Variants in OR56A3 observed in about 807,000 individuals in gnomAD.
OR56A3 encodes the protein olfactory receptor family 56 subfamily A member 3.
A neutral mutation model predicts 17.5 loss-of-function variants in OR56A3; 23 were observed. The observed-to-expected ratio is 1.32, with a 90% CI of 0.95 to 1.87. The LOEUF (loss-of-function observed/expected upper bound fraction) is 1.87, where lower values mean the gene tolerates loss of function less well. OR56A3 is among the 40% of genes most tolerant of loss of function. The probability of loss-of-function intolerance (pLI) is 0.00; values close to 1 mark genes in which losing one functional copy is unlikely to be tolerated. For synonymous variants in OR56A3, 175 were observed against 150.6 expected, an observed-to-expected ratio of 1.16 and a Z score of -1.19; for missense variants, 366 against 380.1, an observed-to-expected ratio of 0.96 and a Z score of 0.31.
chr11:5,968,639 A>G, the OR56A3 span: 4 of 629,246 alleles, frequency 6.4e-6, no homozygotes, highest in Admixed American at 3.2e-5. Context: ...CCAATCCCAA[A>G]TGAAGGCAAA....
intron 2 of OR56A3, among the ~76,000 whole-genome samples, chr11:5,945,578 A>G (rs971126669): frequency 1.3e-5 from 1 of 76,394 alleles, no homozygotes; most frequent in Non-Finnish European, 2.7e-5. Context: ...TAGACCCCAT[A>G]TAAAAAAAAA....
chr11:5,999,089 G>C, the OR56A3 span, among the ~76,000 whole-genome samples: 35 of 152,286 alleles, frequency 2.3e-4, 1 homozygote, highest in African/African-American at 8.2e-4. Flanking sequence ...ATATAAATAG[G>C]CTATGTTCAA....
At chr11:5,987,180 G>A in the OR56A3 span, among the ~76,000 whole-genome samples, 1 of 152,160 alleles carries the variant, frequency 6.6e-6, no homozygotes, top group Non-Finnish European at 1.5e-5. Context: ...CTACTATTCA[G>A]TTGCTTATAT....
chr11:5,994,952 C>A, the OR56A3 span: 9 of 735,564 alleles, frequency 1.2e-5, no homozygotes, highest in Admixed American at 1.8e-5. Flanking sequence ...TCCTGCCAGA[C>A]CCCCGGCCAT....
At chr11:5,992,833 C>A in the OR56A3 span, among the ~76,000 whole-genome samples, 2 of 152,184 alleles carry the variant, frequency 1.3e-5, no homozygotes, top group Non-Finnish European at 2.9e-5. Context: ...TGGAGCGAAG[C>A]TTCCCACTCC....
At chr11:5,995,979 C>T in the OR56A3 span, among the ~76,000 whole-genome samples, 3 of 152,118 alleles carry the variant, frequency 2.0e-5, no homozygotes, top group Non-Finnish European at 4.4e-5. Context: ...TGAGTGAGAT[C>T]ATGTGGTATT....
the OR56A3 span, among the ~76,000 whole-genome samples, chr11:5,958,889 T>C: frequency 6.6e-6 from 1 of 152,226 alleles, no homozygotes; most frequent in African/African-American, 2.4e-5. Context: ...ATGTTTGTCT[T>C]CCTGTGTCTG....
At chr11:5,984,474 A>G in the OR56A3 span, among the ~76,000 whole-genome samples, 1 of 152,164 alleles carries the variant, frequency 6.6e-6, no homozygotes, top group Non-Finnish European at 1.5e-5. Flanking sequence ...TTCAGTTCAC[A>G]TTTCTGTCTT....
chr11:5,954,686 C>T (rs1026504418), downstream of OR56A3, among the ~76,000 whole-genome samples: 5 of 152,132 alleles, frequency 3.3e-5, no homozygotes, highest in African/African-American at 1.2e-4. Context: ...AACAAAGTAA[C>T]TGGTACCAAA....
chr11:5,995,725 A>G, the OR56A3 span, among the ~76,000 whole-genome samples: 1 of 152,202 alleles, frequency 6.6e-6, no homozygotes, highest in Non-Finnish European at 1.5e-5. Flanking sequence ...CATAACTATC[A>G]TTTTTGTGGT....
chr11:5,953,135 T>C (rs1392642215), downstream of OR56A3, among the ~76,000 whole-genome samples: 6 of 152,194 alleles, frequency 3.9e-5, no homozygotes, highest in African/African-American at 1.4e-4. Context: ...ATCTTCATGG[T>C]AGAACAATTT....
the OR56A3 span, among the ~76,000 whole-genome samples, chr11:5,964,331 G>A: frequency 6.6e-6 from 1 of 152,296 alleles, no homozygotes; most frequent in South Asian, 2.1e-4. Context: ...TGAAAAGGTA[G>A]GTAGTTATAT....
the OR56A3 span, among the ~76,000 whole-genome samples, chr11:6,016,348 G>T: frequency 6.6e-6 from 1 of 151,976 alleles, no homozygotes; most frequent in Non-Finnish European, 1.5e-5. Flanking sequence ...AATAAATTAC[G>T]CAGTCTTAGG....
chr11:5,987,044 G>T, the OR56A3 span: 1 of 927,904 alleles, frequency 1.1e-6, no homozygotes, highest in Non-Finnish European at 1.6e-6. Flanking sequence ...CTACAGGGAA[G>T]AAAATCTCCT....
chr11:5,994,735 A>G, the OR56A3 span: 1 of 807,046 alleles, frequency 1.2e-6, no homozygotes, highest in Non-Finnish European at 2.2e-6. Context: ...TGTCCACAGT[A>G]TTTGCGAAGA....
At chr11:5,962,304 T>C in the OR56A3 span, among the ~76,000 whole-genome samples, 21 of 152,310 alleles carry the variant, frequency 1.4e-4, no homozygotes, top group African/African-American at 3.6e-4. Context: ...CTAATGTTTT[T>C]AAAGATTTCT....
chr11:5,984,469 T>C, the OR56A3 span, among the ~76,000 whole-genome samples: 2 of 149,966 alleles, frequency 1.3e-5, no homozygotes, highest in Admixed American at 6.6e-5. Flanking sequence ...CCATCTTCAG[T>C]TCACATTTCT....
chr11:5,953,389 C>T (rs1370190600), downstream of OR56A3, among the ~76,000 whole-genome samples: 1 of 152,170 alleles, frequency 6.6e-6, no homozygotes, highest in Non-Finnish European at 1.5e-5. Flanking sequence ...ATTTTCATTT[C>T]TCTTGATGAT....
chr11:5,986,976 A>G, the OR56A3 span: 2 of 1,568,678 alleles, frequency 1.3e-6, no homozygotes, highest in Non-Finnish European at 1.7e-6. Context: ...AAATGGGGCA[A>G]CCATCATCCT....
Sources: gnomAD v4.1 joint callset for allele counts (sites outside exome capture counted in the v4.1 genomes callset) on GRCh38, gnomAD v4.1.1 for gene constraint, MANE v1.5 for transcripts, NCBI Gene and HGNC (gene_info 2026-07-23, HGNC 2026-07-21) for gene names.